Variants in RALGAPB observed in about 807,000 individuals in gnomAD.
RALGAPB encodes ral GTPase-activating protein subunit beta.
Under a neutral mutation model 161.1 loss-of-function variants are expected in RALGAPB, and 25 were observed. That is an observed-to-expected ratio of 0.16 (90% CI 0.11 to 0.22). The LOEUF is 0.22. Ranked by LOEUF, RALGAPB falls within the 10% of genes least tolerant of loss-of-function variation. The pLI is 1.00. For synonymous variants in RALGAPB, 629 were observed against 626.1 expected (o/e 1.00, Z -0.07); for missense variants, 1,391 against 1,815.2 (o/e 0.77, Z 4.25).
chr20:38,571,113 G>A (rs2088220638), intron 28 of RALGAPB, among the ~76,000 whole-genome samples: 1 of 152,116 alleles, frequency 6.6e-6, no homozygotes, highest in African/African-American at 2.4e-5. Flanking sequence ...TGAGCTTGGA[G>A]ATAAGTATAT....
At chr20:38,510,144 A>G (rs767962992) in intron 6 of RALGAPB, among the ~76,000 whole-genome samples, 10,280 of 147,204 alleles carry the variant, frequency 0.07, 634 homozygotes, top group African/African-American at 0.18. Context: ...ACACACACAC[A>G]CACACACACA....
At chr20:38,543,935 C>T (rs114710440) in intron 18 of RALGAPB, among the ~76,000 whole-genome samples, 11 of 152,244 alleles carry the variant, frequency 7.2e-5, no homozygotes, top group East Asian at 3.9e-4. Flanking sequence ...AGTGTTGTCT[C>T]GCCAGTCTGG....
chr20:38,507,262 C>T (rs979642732), intron 5 of RALGAPB, among the ~76,000 whole-genome samples: 2 of 152,172 alleles, frequency 1.3e-5, no homozygotes, highest in African/African-American at 4.8e-5. Context: ...TTTAGTTACA[C>T]AAACTTTTTC....
chr20:38,474,505 C>T (rs1600802144), intron 1 of RALGAPB, among the ~76,000 whole-genome samples: 1 of 152,074 alleles, frequency 6.6e-6, no homozygotes, highest in East Asian at 1.9e-4. Context: ...TCTCAAACTC[C>T]TGGGCTGAAG....
chr20:38,492,591 A>G (rs189201938), intron 2 of RALGAPB, among the ~76,000 whole-genome samples: 135 of 152,296 alleles, frequency 8.9e-4, no homozygotes, highest in Non-Finnish European at 4.1e-4. Flanking sequence ...AAACTCTAAA[A>G]TGTTCTATTT....
intron 1 of RALGAPB, among the ~76,000 whole-genome samples, chr20:38,482,115 A>G (rs1041836836): frequency 1.3e-5 from 2 of 152,188 alleles, no homozygotes; most frequent in Non-Finnish European, 2.9e-5. Context: ...CATATTTTGT[A>G]TATATATTAT....
At position 38,533,500 on chromosome 20, in the gene RALGAPB, T is replaced by C. The variant is rs561475834; in HGVS notation, c.2245+641T>C. On this transcript the variant is annotated intron_variant, in intron 15 of 29. Coordinates refer to ENST00000262879, the MANE Select transcript of RALGAPB (RefSeq NM_020336.4). The stretch of plus-strand genomic sequence containing the variant: ...AGTGTATTAAATCTGTGAGCACTTA[T>C]CCAGCTAGATTGGAGTGATATCTAG... Among the ~76,000 whole-genome samples the C allele has an allele frequency of 7.9e-5, 12 of 152,336 alleles. No individual in the cohort carries two copies. In the South Asian group the frequency reaches 8.3e-4, roughly 11 times the overall value.
intron 23 of RALGAPB, 44 bp from the exon 24 acceptor site, chr20:38,562,488 A>G (rs2087819253): frequency 6.9e-7 from 1 of 1,455,250 alleles, no homozygotes; most frequent in Non-Finnish European, 9.3e-7. Context: ...TTGATATATT[A>G]TTTTGTTTCC....
intron 1 of RALGAPB, among the ~76,000 whole-genome samples, chr20:38,474,275 A>G (rs930985156): frequency 1.1e-4 from 16 of 152,044 alleles, no homozygotes; most frequent in African/African-American, 3.6e-4. Flanking sequence ...ATATGCATAT[A>G]CACACCCTTT....
chr20:38,528,345 TTTTATTTATTTATTTATTTATTTATTTA>T (rs55916951), intron 13 of RALGAPB, among the ~76,000 whole-genome samples: 1 of 147,266 alleles, frequency 6.8e-6, no homozygotes, highest in Non-Finnish European at 1.5e-5. Flanking sequence ...TTCATTTTAT[TTTTATTTATTTATTTATTTATTTATTTA>T]TTTATTTATT....
intron 21 of RALGAPB, 71 bp from the exon 22 acceptor site, chr20:38,553,796 A>AAAC (rs2087474523): frequency 2.2e-6 from 2 of 905,062 alleles, no homozygotes; most frequent in Non-Finnish European, 1.6e-6. Flanking sequence ...AAAAAAAAAA[A>AAAC]AAAAACACTT....
chr20:38,517,488 C>CTTT lies in RALGAPB; in HGVS notation c.1052-6_1052-4dup. The CTTT allele has an allele frequency of 2.2e-5, 29 of 1,314,860 alleles. No homozygotes were observed. Among genetic ancestry groups the CTTT allele is most frequent in the South Asian group, 1.1e-4 (7 of 66,512 alleles). The allele number at this position is 1,314,860 out of a possible 1,614,324, so 81.4% of individuals were successfully genotyped here. The stretch of plus-strand genomic sequence containing the variant: ...ACCTATGAAGAATAATTTCATTTGT[C>CTTT]TTTTTTTTTTTTTTAAGGTATTTCT... On this transcript the variant is annotated splice_polypyrimidine_tract_variant and intron_variant, in intron 7 of 29. Coordinates refer to ENST00000262879, the MANE Select transcript of RALGAPB (RefSeq NM_020336.4).
chr20:38,553,793 A>AAC lies in RALGAPB; in HGVS notation c.3163-73_3163-72insCA, dbSNP rs1386492844. On this transcript the variant is annotated intron_variant, in intron 21 of 29. Coordinates refer to ENST00000262879, the MANE Select transcript of RALGAPB (RefSeq NM_020336.4). ...GCCCAGTCTCAAAAAAAAAAAAAAA[A>AAC]AAAAAAAACACTTAAGATTGGCCTT... 346 of 864,384 alleles carry AAC rather than the reference A, an allele frequency of 4.0e-4. 1 individual carries two copies. The highest frequency in any genetic ancestry group is 4.7e-4 in the Non-Finnish European group (280 of 593,450). The allele number at this position is 864,384 out of a possible 1,614,324, so 53.5% of individuals were successfully genotyped here. A position where few individuals can be genotyped will look rare whatever the true frequency, so the allele number is the denominator to read the frequency against.
chr20:38,497,253 T>G (rs2085453811), intron 3 of RALGAPB, 100 bp from the exon 4 acceptor site: 3 of 1,081,506 alleles, frequency 2.8e-6, no homozygotes, highest in Non-Finnish European at 4.0e-6. Flanking sequence ...ATTAGGGAGC[T>G]TCATTGGACC....
chr20:38,518,077 C>A, intron 9 of RALGAPB, 77 bp downstream of exon 9: 1 of 1,330,756 alleles, frequency 7.5e-7, no homozygotes, highest in Non-Finnish European at 1.1e-6. Flanking sequence ...TTCCTACCTG[C>A]AAGATTAATA....
chr20:38,509,871 C>T (rs1568925757), intron 6 of RALGAPB, among the ~76,000 whole-genome samples: 1 of 152,086 alleles, frequency 6.6e-6, no homozygotes, highest in Non-Finnish European at 1.5e-5. Flanking sequence ...TTCTGAATTA[C>T]TCTTTATGAC....
chr20:38,482,275 G>A (rs911980318), intron 1 of RALGAPB, among the ~76,000 whole-genome samples: 2 of 152,014 alleles, frequency 1.3e-5, no homozygotes, highest in African/African-American at 4.8e-5. Context: ...GTAAGGGGAG[G>A]CATTAGTTTT....
intron 15 of RALGAPB, among the ~76,000 whole-genome samples, chr20:38,533,076 G>C (rs759735612): frequency 1.3e-5 from 2 of 152,122 alleles, no homozygotes; most frequent in Non-Finnish European, 2.9e-5. Context: ...AGTATATTAG[G>C]TTTTATAATT....
intron 22 of RALGAPB, 118 bp from the exon 23 acceptor site, chr20:38,558,177 C>A: frequency 2.4e-6 from 2 of 842,180 alleles, no homozygotes; most frequent in Non-Finnish European, 1.7e-6. Flanking sequence ...TGTGTTTATT[C>A]CTACCATTCT....
Sources: gnomAD v4.1 joint callset for allele counts (sites outside exome capture counted in the v4.1 genomes callset) on GRCh38, gnomAD v4.1.1 for gene constraint, MANE v1.5 for transcripts, NCBI Gene and HGNC (gene_info 2026-07-23, HGNC 2026-07-21) for gene names.